Variants in WIPF1 observed in about 807,000 individuals in gnomAD.
The protein encoded by WIPF1 is WAS/WASL interacting protein family member 1, also known as WAS/WASL-interacting protein family member 1.
Under a neutral mutation model 35.4 loss-of-function variants are expected in WIPF1, and 13 were observed. The observed-to-expected ratio is 0.37, with a 90% CI of 0.24 to 0.58. WIPF1 has a LOEUF of 0.58. Ranked by LOEUF, WIPF1 falls within the 20% of genes least tolerant of loss-of-function variation. The pLI, the probability that WIPF1 is intolerant of heterozygous loss-of-function variation, is 0.74. For synonymous variants in WIPF1, 267 were observed against 266.3 expected (o/e 1.00, Z -0.02); for missense variants, 591 against 667.0 (o/e 0.89, Z 1.25).
chr2:174,598,463 C>T (rs1347008613), upstream of WIPF1, among the ~76,000 whole-genome samples: 2 of 152,092 alleles, frequency 1.3e-5, no homozygotes, highest in African/African-American at 4.8e-5. Context: ...AGGCATATGC[C>T]ACTGCACCTG....
At position 174,571,822 on chromosome 2, in the gene WIPF1, T is replaced by A. The variant is rs770409036; in HGVS notation, c.983A>T (p.Asn328Ile). The change falls in exon 5 of 8, where the codon AAT becomes ATT. Residue 328 changes from asparagine (N) to isoleucine (I), a missense_variant. Around this residue, in one of 3 missense-constraint regions of WIPF1, gnomAD observed 471 missense variants for 501.1 expected, o/e 0.94. Transcript: ENST00000679041. The surrounding 1 kb of genome is among the most constrained non-coding windows in gnomAD (Gnocchi z 4.6). ...PPPLPPSSSGNDETPRLPQRN... is the reference protein window; with the variant it reads ...PPPLPPSSSGIDETPRLPQRN... The stretch of plus-strand genomic sequence containing the variant: ...CTGTGGGAGTCTTGGGGTTTCGTCA[T>A]TGCCGCTGGAACTTGGAGGCAGAGG... 9 of 1,614,076 alleles carry A rather than the reference T, an allele frequency of 5.6e-6. No homozygotes were observed. The highest frequency in any genetic ancestry group is 7.6e-6 in the Non-Finnish European group (9 of 1,180,034).
chr2:174,583,127 A>C (rs1261938012), intron 2 of WIPF1, among the ~76,000 whole-genome samples: 2 of 152,192 alleles, frequency 1.3e-5, no homozygotes, highest in African/African-American at 4.8e-5. Context: ...TCCAGCCCCA[A>C]CACACCGCTG....
In WIPF1 at chr2:174,647,341, G is replaced by A. The variant is rs148420380; in HGVS notation, c.-39+35433C>T. Among the ~76,000 whole-genome samples, 44 of 151,566 alleles carry A rather than the reference G, an allele frequency of 2.9e-4. 1 individual carries two copies. The East Asian group carries it at 7.8e-3, about 27-fold the overall frequency. On this transcript the variant is annotated intron_variant, in intron 1 of 8. Transcript: ENST00000272746. ...TGCTGTGAACTATGATTGCACCACT[G>A]TACTCCAGCCTGGGCGACACAGTGA...
intron 1 of WIPF1, among the ~76,000 whole-genome samples, chr2:174,681,625 C>A (rs80288553): frequency 1.6e-4 from 24 of 152,330 alleles, no homozygotes; most frequent in East Asian, 1.3e-3. Context: ...AATCTGTTCA[C>A]GGGCTCTGCG....
At chr2:174,577,264 A>T (rs1357311775) in intron 3 of WIPF1, among the ~76,000 whole-genome samples, 2 of 152,198 alleles carry the variant, frequency 1.3e-5, no homozygotes, top group Admixed American at 6.5e-5. Flanking sequence ...ATTTTCTAGT[A>T]TGCACATGGT....
At chr2:174,666,773 C>T (rs914753333) in intron 1 of WIPF1, among the ~76,000 whole-genome samples, 7 of 152,232 alleles carry the variant, frequency 4.6e-5, no homozygotes, top group African/African-American at 1.7e-4. Context: ...ACAGAATGCT[C>T]GGTGGTGGGA....
At chr2:174,574,382 C>T (rs1684977666) in intron 4 of WIPF1, among the ~76,000 whole-genome samples, 1 of 152,092 alleles carries the variant, frequency 6.6e-6, no homozygotes, top group Non-Finnish European at 1.5e-5. Flanking sequence ...TAGATTTGGA[C>T]CATTCAGTGA....
At chr2:174,663,849 C>T (rs1475319904) in intron 1 of WIPF1, among the ~76,000 whole-genome samples, 1 of 152,232 alleles carries the variant, frequency 6.6e-6, no homozygotes, top group Non-Finnish European at 1.5e-5. Flanking sequence ...GAGAAGGAAG[C>T]TCTGGGCAGC....
intron 3 of WIPF1, among the ~76,000 whole-genome samples, chr2:174,576,945 A>G (rs1685082598): frequency 6.6e-6 from 1 of 152,194 alleles, no homozygotes; most frequent in African/African-American, 2.4e-5. Flanking sequence ...AAATCTACAA[A>G]TTAATCTGGG....
chr2:174,623,872 AAC>A (rs1352967628), intron 1 of WIPF1, among the ~76,000 whole-genome samples: 1 of 152,230 alleles, frequency 6.6e-6, no homozygotes, highest in Non-Finnish European at 1.5e-5. Flanking sequence ...GTTAAATATT[AAC>A]ACAGAAAAAA....
chr2:174,665,676 G>A (rs575586643), intron 1 of WIPF1: 1 of 152,318 alleles, frequency 6.6e-6, no homozygotes, highest in East Asian at 1.9e-4. Flanking sequence ...TGGTAAACAT[G>A]GAAATTGTTT....
chr2:174,570,890 C>T (rs991327668), intron 5 of WIPF1, among the ~76,000 whole-genome samples: 2 of 152,188 alleles, frequency 1.3e-5, no homozygotes, highest in Admixed American at 1.3e-4. Context: ...ATCAAGTGAG[C>T]ATATTCTACT....
rs1462647384 is a variant in WIPF1 at position 174,571,538 on chromosome 2, G to T, written c.1129+138C>A. ...TTTACACGAGGTCACGATCACACGT[G>T]TCGTGTGCCACTTAAAAGCACAAAG... is the stretch of plus-strand genomic sequence containing the variant. On this transcript the variant is annotated intron_variant, in intron 5 of 7. Transcript: ENST00000679041. The surrounding 1 kb of genome is among the most constrained non-coding windows in gnomAD (Gnocchi z 4.6). 21 of 1,183,412 alleles carry T rather than the reference G, an allele frequency of 1.8e-5. No homozygotes were observed. The highest frequency in any genetic ancestry group is 2.4e-5 in the Non-Finnish European group (19 of 789,402). The allele number at this position is 1,183,412 out of a possible 1,614,324, so 73.3% of individuals were successfully genotyped here.
intron 1 of WIPF1, among the ~76,000 whole-genome samples, chr2:174,605,427 G>T (rs1054693445): frequency 6.6e-6 from 1 of 152,176 alleles, no homozygotes; most frequent in African/African-American, 2.4e-5. Flanking sequence ...GACAGAGCAA[G>T]ACTCTGTGTC....
At chr2:174,674,186 A>G (rs1036413936) in intron 1 of WIPF1, among the ~76,000 whole-genome samples, 1 of 152,234 alleles carries the variant, frequency 6.6e-6, no homozygotes, top group Non-Finnish European at 1.5e-5. Context: ...AGCAGGAGCA[A>G]TGAGCGCAAG....
intron 1 of WIPF1, among the ~76,000 whole-genome samples, chr2:174,653,398 C>T (rs933565159): frequency 2.6e-5 from 4 of 152,080 alleles, no homozygotes; most frequent in Admixed American, 6.6e-5. Flanking sequence ...GGGATAGTAC[C>T]TCTTACCTAG....
intron 1 of WIPF1, among the ~76,000 whole-genome samples, chr2:174,651,984 A>G (rs1304504242): frequency 6.6e-6 from 1 of 152,246 alleles, no homozygotes; most frequent in Non-Finnish European, 1.5e-5. Flanking sequence ...TATAGACTCA[A>G]CCAAGACTGT....
At chr2:174,589,334 C>A (rs1393268730) in intron 1 of WIPF1, among the ~76,000 whole-genome samples, 2 of 152,252 alleles carry the variant, frequency 1.3e-5, no homozygotes, top group African/African-American at 4.8e-5. Flanking sequence ...CATCACCCCA[C>A]CGCACTGTGA....
chr2:174,644,718 T>C (rs895685780), intron 1 of WIPF1, among the ~76,000 whole-genome samples: 2 of 152,174 alleles, frequency 1.3e-5, no homozygotes, highest in African/African-American at 4.8e-5. Context: ...TCACGAAAAA[T>C]GTAAACATAA....
Sources: allele counts gnomAD v4.1 joint callset (sites outside exome capture counted in the v4.1 genomes callset), GRCh38; gene constraint gnomAD v4.1.1; regional missense constraint gnomAD v4.1.1; non-coding constraint Gnocchi (gnomAD v3.1); transcripts MANE v1.5; gene names NCBI Gene and HGNC (gene_info 2026-07-23, HGNC 2026-07-21).